Variants in PSAT1 observed in about 807,000 individuals in gnomAD.
The protein encoded by PSAT1 is phosphoserine aminotransferase 1, also known as phosphoserine aminotransferase.
Under a neutral mutation model 40.3 loss-of-function variants are expected in PSAT1, and 41 were observed. That is an observed-to-expected ratio of 1.02 (90% CI 0.79 to 1.32). The LOEUF is 1.32. Ranked by LOEUF, PSAT1 falls within the 40% of genes most tolerant of loss-of-function variation. PSAT1 has a pLI of 0.00. For synonymous variants in PSAT1, 147 were observed against 170.5 expected (o/e 0.86, Z 1.07); for missense variants, 406 against 455.8 (o/e 0.89, Z 0.99).
At chr9:78,310,777 T>C (rs1299602109) in intron 6 of PSAT1, among the ~76,000 whole-genome samples, 1 of 152,024 alleles carries the variant, frequency 6.6e-6, no homozygotes, top group Non-Finnish European at 1.5e-5. Context: ...CTGGCTACTT[T>C]TCGTATTTTT....
intron 7 of PSAT1, among the ~76,000 whole-genome samples, chr9:78,319,553 G>A: frequency 6.6e-6 from 1 of 152,250 alleles, no homozygotes; most frequent in Middle Eastern, 3.2e-3. Context: ...GAGTTTGGAG[G>A]CCAGGATACC....
intron 1 of PSAT1, among the ~76,000 whole-genome samples, chr9:78,297,829 C>G (rs1828048826): frequency 6.6e-6 from 1 of 152,162 alleles, no homozygotes. Flanking sequence ...CCCCCCTACG[C>G]CTTACACCAG....
intron 6 of PSAT1, among the ~76,000 whole-genome samples, chr9:78,312,696 C>G (rs1291011933): frequency 6.6e-6 from 1 of 151,866 alleles, no homozygotes; most frequent in Non-Finnish European, 1.5e-5. Context: ...AACTCCATCT[C>G]AAAAATAATA....
At chr9:78,317,845 A>G (rs1172680843) in intron 7 of PSAT1, 41 bp downstream of exon 7, 7 of 1,599,082 alleles carry the variant, frequency 4.4e-6, no homozygotes, top group Middle Eastern at 2.2e-4. Context: ...CCTCTTGTGA[A>G]TTTAAAACTG....
chr9:78,305,686 T>G (rs1204845972), intron 4 of PSAT1, among the ~76,000 whole-genome samples: 1 of 152,158 alleles, frequency 6.6e-6, no homozygotes, highest in Non-Finnish European at 1.5e-5. Context: ...CCATTCTGAA[T>G]CAGTCCCTGT....
chr9:78,299,069 G>A (rs556536020), intron 1 of PSAT1, among the ~76,000 whole-genome samples: 3 of 143,944 alleles, frequency 2.1e-5, no homozygotes, highest in Non-Finnish European at 4.5e-5. Flanking sequence ...GAGCCCAGGA[G>A]TTTGAGGCTG....
intron 1 of PSAT1, among the ~76,000 whole-genome samples, chr9:78,299,728 G>A (rs1828080781): frequency 6.6e-6 from 1 of 151,900 alleles, no homozygotes; most frequent in South Asian, 2.1e-4. Context: ...GGCCAAGATG[G>A]TCTCAATCTC....
Position 78,297,288 on chromosome 9 carries a change from G to A in PSAT1, c.60+18G>A, listed in dbSNP as rs1199722294. 2.5e-6 allele frequency: 4 copies of A among 1,590,568 alleles called. No individual in the cohort carries two copies. On this transcript the variant is annotated intron_variant, in intron 1 of 8. Coordinates refer to ENST00000376588, the MANE Select transcript of PSAT1 (RefSeq NM_058179.4). The stretch of plus-strand genomic sequence containing the variant: ...CGCACTCAGTAAGTCCCCGCGAGCG[G>A]GCGCCGGGAGTGAGGTTCAGGCGGG...
In PSAT1 at chr9:78,329,067, T is replaced by G. The variant is rs758027795; in HGVS notation, c.1094T>G (p.Leu365Trp). Residue 365 changes from leucine to tryptophan, a missense_variant, in exon 9 of 9, where the codon TTG (leucine) becomes TGG (tryptophan). Physicochemically the swap from Leu to Trp is moderately conservative, Grantham distance 61. Transcript: ENST00000376588. ...CTGGCCGCCTTCATGAAAAAATTTTTGGAGATGCATCAGCTATGAACACAT... is the reference window on the plus strand; with the variant it reads ...CTGGCCGCCTTCATGAAAAAATTTTGGGAGATGCATCAGCTATGAACACAT... ...QKLAAFMKKF[L>W]EMHQL 2.5e-6 allele frequency: 4 copies of G among 1,611,546 alleles called. No homozygotes were observed. In the Admixed American group the frequency reaches 6.7e-5, roughly 27 times the overall value.
At position 78,308,522 on chromosome 9, in the gene PSAT1, G is replaced by T; in HGVS notation, c.679G>T (p.Val227Phe). Reference sequence around the variant, plus strand: ...GTTTGCCCTCCGAGAGTGCCCCTCGGTCCTGGAATACAAGGTGCAGGCTGG... The same window carrying T: ...GTTTGCCCTCCGAGAGTGCCCCTCGTTCCTGGAATACAAGGTGCAGGCTGG... ...LGFALRECPS[V>F]LEYKVQAGNS... Residue 227 changes from valine to phenylalanine, a missense_variant, in exon 6 of 9, where the codon GTC becomes TTC. Coordinates refer to ENST00000376588, the MANE Select transcript of PSAT1 (RefSeq NM_058179.4). 1 of 1,614,070 alleles carries T rather than the reference G, an allele frequency of 6.2e-7. No individual in the cohort carries two copies.
At chr9:78,316,438 T>A (rs536491892) in intron 6 of PSAT1, among the ~76,000 whole-genome samples, 2 of 152,278 alleles carry the variant, frequency 1.3e-5, no homozygotes, top group Admixed American at 1.3e-4. Flanking sequence ...AGAAACATGA[T>A]CCCCTAGGGC....
Position 78,297,225 on chromosome 9 carries a change from G to A in PSAT1, c.15G>A (p.Arg5=), listed in dbSNP as rs774201284. ...GCCGCCGCACCATGGACGCCCCCAG[G>A]CAGGTGGTCAACTTTGGGCCTGGTC... MDAP[R]QVVNFGPGPA... The change falls in exon 1 of 9, where the codon AGG becomes AGA. Residue 5 remains arginine (R), a synonymous_variant. Coordinates refer to ENST00000376588, the MANE Select transcript of PSAT1 (RefSeq NM_058179.4). 6.2e-7 allele frequency: 1 copy of A among 1,602,564 alleles called. No homozygotes were observed. The highest frequency in any genetic ancestry group is 1.1e-5 in the South Asian group (1 of 90,150).
At chr9:78,326,498 A>C (rs1428781280) in intron 7 of PSAT1, among the ~76,000 whole-genome samples, 1 of 152,170 alleles carries the variant, frequency 6.6e-6, no homozygotes, top group Non-Finnish European at 1.5e-5. Context: ...ACCTTATGCA[A>C]AGTGCTGGGA....
intron 6 of PSAT1, among the ~76,000 whole-genome samples, chr9:78,312,059 TTTTTC>T (rs1442388765): frequency 7.6e-6 from 1 of 130,798 alleles, no homozygotes; most frequent in African/African-American, 3.1e-5. Context: ...CCTTTTTTTT[TTTTTC>T]CCCACAGAGT....
In PSAT1 at chr9:78,304,850, G is replaced by C. The variant is rs377282696; in HGVS notation, c.307G>C (p.Val103Leu). The change falls in exon 4 of 9, where the codon GTG (valine) becomes CTG (leucine). Residue 103 changes from valine (V) to leucine (L), a missense_variant. Transcript: ENST00000376588. ...AGCAGGAAGGTGTGCTGACTATGTGGTGACAGGAGCTTGGTCAGCTAAGGC... is the reference window on the plus strand; with the variant it reads ...AGCAGGAAGGTGTGCTGACTATGTGCTGACAGGAGCTTGGTCAGCTAAGGC... ...LKAGRCADYVVTGAWSAKAAE... is the reference protein window; with the variant it reads ...LKAGRCADYVLTGAWSAKAAE... 11 of 1,614,072 alleles carry C rather than the reference G, an allele frequency of 6.8e-6. 1 individual carries two copies. Among genetic ancestry groups the C allele is most frequent in the Non-Finnish European group, 9.3e-6 (11 of 1,180,048 alleles).
rs572521488 is a variant in PSAT1, at chr9:78,300,024, T to C, written c.61-578T>C. Among the ~76,000 whole-genome samples, 8 of 152,286 alleles carry C rather than the reference T, an allele frequency of 5.3e-5. No homozygotes were observed. In the East Asian group the frequency reaches 1.4e-3, roughly 26 times the overall value. ...TTCTCTTTATTTTTTATTAAGGGAA[T>C]CCTCACATACACAAAGATAAAAGTA... On this transcript the variant is annotated intron_variant, in intron 1 of 8. Coordinates refer to ENST00000376588, the MANE Select transcript of PSAT1 (RefSeq NM_058179.4).
intron 1 of PSAT1, 77 bp from the exon 2 acceptor site, chr9:78,300,525 C>T (rs769644409): frequency 3.0e-5 from 46 of 1,520,764 alleles, no homozygotes; most frequent in Middle Eastern, 1.8e-4. Flanking sequence ...CTTGTCCCCT[C>T]GTCAGGTTTG....
At chr9:78,323,409 AAAT>A (rs542558228) in intron 7 of PSAT1, among the ~76,000 whole-genome samples, 2 of 151,956 alleles carry the variant, frequency 1.3e-5, no homozygotes, top group African/African-American at 4.8e-5. Context: ...TCGTCTCTAC[AAAT>A]AATAATAATA....
Position 78,297,193 on chromosome 9 carries a change from C to A in PSAT1, c.-18C>A, listed in dbSNP as rs377056841. On this transcript the variant is annotated 5_prime_UTR_variant, in exon 1 of 9. Transcript: ENST00000376588. ...GTTCGGTCCTCCTTGGCTGACTCACCGCCCTGGCCGCCGCACCATGGACGC... is the reference window on the plus strand; with the variant it reads ...GTTCGGTCCTCCTTGGCTGACTCACAGCCCTGGCCGCCGCACCATGGACGC... The A allele has an allele frequency of 6.3e-7, 1 of 1,593,646 alleles. No homozygotes were observed. The highest frequency in any genetic ancestry group is 8.5e-7 in the Non-Finnish European group (1 of 1,174,332).
Sources: allele counts gnomAD v4.1 joint callset (sites outside exome capture counted in the v4.1 genomes callset), GRCh38; gene constraint gnomAD v4.1.1; transcripts MANE v1.5; gene names NCBI Gene and HGNC (gene_info 2026-07-23, HGNC 2026-07-21).